FAM171A1: variants seen among roughly 807,000 people sequenced by gnomAD.
FAM171A1 encodes the protein family with sequence similarity 171 member A1.
Under a neutral mutation model 74.9 loss-of-function variants are expected in FAM171A1, and 23 were observed. The observed-to-expected ratio is 0.31, with a 90% CI of 0.22 to 0.44. The LOEUF (loss-of-function observed/expected upper bound fraction) is 0.44, where lower values mean the gene tolerates loss of function less well. FAM171A1 is among the 20% of genes least tolerant of loss of function. The pLI, the probability that FAM171A1 is intolerant of heterozygous loss-of-function variation, is 1.00. For synonymous variants in FAM171A1, 527 were observed against 505.7 expected (o/e 1.04, Z -0.57); for missense variants, 1,162 against 1,159.2 (o/e 1.00, Z -0.03).
chr10:15,366,835 G>C (rs1564292987), intron 1 of FAM171A1, among the ~76,000 whole-genome samples: 2 of 152,156 alleles, frequency 1.3e-5, no homozygotes, highest in Admixed American at 6.5e-5. Context: ...GTATTTCCCA[G>C]CAATAATAAA....
At chr10:15,238,365 C>T (rs1381877755) in intron 5 of FAM171A1, among the ~76,000 whole-genome samples, 1 of 152,160 alleles carries the variant, frequency 6.6e-6, no homozygotes, top group Non-Finnish European at 1.5e-5. Flanking sequence ...ATCAATATCC[C>T]CTACCAGAGA....
At chr10:15,238,783 G>C (rs990483334) in intron 5 of FAM171A1, among the ~76,000 whole-genome samples, 20 of 152,112 alleles carry the variant, frequency 1.3e-4, no homozygotes, top group Admixed American at 3.3e-4. Context: ...CATTTCTATA[G>C]CAACCCCCAC....
intron 3 of FAM171A1, among the ~76,000 whole-genome samples, chr10:15,263,720 A>AATCTATCTATCT (rs199543212): frequency 0.045 from 6,257 of 139,972 alleles, 205 homozygotes; most frequent in Non-Finnish European, 0.065. Flanking sequence ...CTATCCTATC[A>AATCTATCTATCT]ATCTATCTAT....
chr10:15,365,596 C>G (rs1233408774), intron 1 of FAM171A1, among the ~76,000 whole-genome samples: 1 of 152,020 alleles, frequency 6.6e-6, no homozygotes, highest in East Asian at 1.9e-4. Context: ...CATGGTGAAA[C>G]CCCATCTCTA....
chr10:15,359,764 C>T (rs1177354316), intron 1 of FAM171A1, among the ~76,000 whole-genome samples: 1 of 152,122 alleles, frequency 6.6e-6, no homozygotes, highest in Non-Finnish European at 1.5e-5. Context: ...ATGCAGGAGG[C>T]CTGGATGCAC....
chr10:15,284,160 C>T, intron 1 of FAM171A1, 55 bp from the exon 2 acceptor site: 4 of 1,522,792 alleles, frequency 2.6e-6, no homozygotes, highest in East Asian at 2.3e-5. Flanking sequence ...ACATTCATAG[C>T]AACTCTGGTA....
rs201423446 is a variant in FAM171A1 at position 15,214,517 on chromosome 10, C to A, written c.1071G>T (p.Thr357=). 4 of 1,614,078 alleles carry A rather than the reference C, an allele frequency of 2.5e-6. No individual in the cohort carries two copies. Among genetic ancestry groups the A allele is most frequent in the Non-Finnish European group, 3.4e-6 (4 of 1,180,050 alleles). ...GLESSKRDQS[T]SMSHINLLFS... ...ACAGCAAGTTAATGTGTGACATGGA[C>A]GTGGACTGGTCTCTTTTGGAACTCT... The change falls in exon 8 of 8, where the codon ACG becomes ACT. Residue 357 remains threonine (T), a synonymous_variant. Transcript: ENST00000378116.
intron 1 of FAM171A1, among the ~76,000 whole-genome samples, chr10:15,327,230 TG>T (rs939054015): frequency 3.3e-5 from 5 of 152,220 alleles, no homozygotes; most frequent in Non-Finnish European, 5.9e-5. Flanking sequence ...AAGAGCAAGC[TG>T]CCTACCCCCT....
chr10:15,362,755 CA>C (rs1360445166), intron 1 of FAM171A1, among the ~76,000 whole-genome samples: 1 of 152,174 alleles, frequency 6.6e-6, no homozygotes, highest in African/African-American at 2.4e-5. Context: ...ACATTACCAA[CA>C]ACCAGTAGCT....
At chr10:15,277,253 T>G (rs915905259) in intron 2 of FAM171A1, among the ~76,000 whole-genome samples, 2 of 152,196 alleles carry the variant, frequency 1.3e-5, no homozygotes, top group Non-Finnish European at 2.9e-5. Context: ...GTTTCACTCT[T>G]GTTGCCCAGG....
chr10:15,358,636 G>C (rs2131886928), intron 1 of FAM171A1, among the ~76,000 whole-genome samples: 1 of 152,318 alleles, frequency 6.6e-6, no homozygotes, highest in Non-Finnish European at 1.5e-5. Flanking sequence ...GAGCTCATGA[G>C]AGTTATTTGT....
At chr10:15,341,832 C>CA (rs1418974517) in intron 1 of FAM171A1, among the ~76,000 whole-genome samples, 1 of 152,204 alleles carries the variant, frequency 6.6e-6, no homozygotes, top group Non-Finnish European at 1.5e-5. Context: ...ACTGCCTAGA[C>CA]AGAGGGAGAC....
intron 6 of FAM171A1, among the ~76,000 whole-genome samples, chr10:15,216,579 C>A (rs1230507122): frequency 2.0e-5 from 3 of 152,088 alleles, no homozygotes; most frequent in African/African-American, 7.2e-5. Context: ...TACAGGCACG[C>A]ACCACCACAC....
chr10:15,307,115 A>AT (rs1221224963), intron 1 of FAM171A1, among the ~76,000 whole-genome samples: 1 of 152,106 alleles, frequency 6.6e-6, no homozygotes, highest in African/African-American at 2.4e-5. Context: ...GAGCATGAGG[A>AT]TGACACCATC....
chr10:15,316,402 G>A (rs986624055), intron 1 of FAM171A1, among the ~76,000 whole-genome samples: 1 of 152,196 alleles, frequency 6.6e-6, no homozygotes, highest in African/African-American at 2.4e-5. Context: ...GGGGCGTCCC[G>A]CAAGGTAAAG....
At chr10:15,325,124 CTT>C (rs1371243652) in intron 1 of FAM171A1, among the ~76,000 whole-genome samples, 3 of 152,244 alleles carry the variant, frequency 2.0e-5, no homozygotes, top group Admixed American at 6.5e-5. Flanking sequence ...TCTATGTCCT[CTT>C]TGGTGCAAAA....
At chr10:15,366,142 T>C (rs1836058590) in intron 1 of FAM171A1, among the ~76,000 whole-genome samples, 1 of 152,146 alleles carries the variant, frequency 6.6e-6, no homozygotes, top group Non-Finnish European at 1.5e-5. Flanking sequence ...TTATTTGAGA[T>C]GGAGTTTCAT....
At chr10:15,352,477 G>C (rs1835891220) in intron 1 of FAM171A1, among the ~76,000 whole-genome samples, 1 of 152,124 alleles carries the variant, frequency 6.6e-6, no homozygotes, top group South Asian at 2.1e-4. Context: ...ATGTTTACTT[G>C]GCATTTATGA....
rs769835560 is a variant in FAM171A1 at position 15,283,900 on chromosome 10, T to C, written c.303A>G (p.Pro101=). 4.2e-5 allele frequency: 68 copies of C among 1,614,070 alleles called. No individual in the cohort carries two copies. Among genetic ancestry groups the C allele is most frequent in the African/African-American group, 6.7e-5 (5 of 74,932 alleles). Residue 101 remains proline (P), a synonymous_variant, in exon 2 of 8, where the codon CCA becomes CCG. Transcript: ENST00000378116. The part of the protein sequence containing the change: ...SKHAYVPNSA[P]WKPIRLPVFS... ...TACCAGGTAACCGGATTGGCTTCCA[T>C]GGGGCAGAGTTTGGCACGTAGGCAT...
Sources: allele counts gnomAD v4.1 joint callset (sites outside exome capture counted in the v4.1 genomes callset), GRCh38; gene constraint gnomAD v4.1.1; transcripts MANE v1.5; gene names NCBI Gene and HGNC (gene_info 2026-07-23, HGNC 2026-07-21).